Variants in KIF13A observed in about 807,000 individuals in gnomAD.
KIF13A encodes the protein kinesin-like protein KIF13A.
A neutral mutation model predicts 212.2 loss-of-function variants in KIF13A; 79 were observed. That is an observed-to-expected ratio of 0.37 (90% CI 0.31 to 0.45). The LOEUF is 0.45. Among genes scored for constraint, KIF13A ranks in the 20% least tolerant of loss-of-function variants. KIF13A has a pLI of 1.00. For synonymous variants in KIF13A, 789 were observed against 808.6 expected (o/e 0.98, Z 0.41); for missense variants, 1,901 against 2,209.0 (o/e 0.86, Z 2.79).
At chr6:17,959,611 A>G (rs894995791) in intron 2 of KIF13A, among the ~76,000 whole-genome samples, 1 of 152,254 alleles carries the variant, frequency 6.6e-6, no homozygotes, top group South Asian at 2.1e-4. Flanking sequence ...ACAAGTAGAG[A>G]GTACTCCTCT....
Position 17,905,094 on chromosome 6 carries a change from C to T in KIF13A, c.147-6914G>A, listed in dbSNP as rs141535069. ...ATGCAGCCCAACACAAATTTGCAAA[C>T]TTTCTTAAAACATTATGAGATTCTT... is the stretch of plus-strand genomic sequence containing the variant. On this transcript the variant is annotated intron_variant, in intron 2 of 38. Transcript: ENST00000259711. Among the ~76,000 whole-genome samples, 227 of 152,320 alleles carry T rather than the reference C, an allele frequency of 1.5e-3. 1 individual carries two copies. Among genetic ancestry groups the T allele is most frequent in the African/African-American group, 5.2e-3 (215 of 41,560 alleles).
intron 2 of KIF13A, among the ~76,000 whole-genome samples, chr6:17,936,977 A>C (rs866007665): frequency 6.6e-6 from 1 of 152,200 alleles, no homozygotes; most frequent in Non-Finnish European, 1.5e-5. Context: ...CAGAAGGTCC[A>C]GACTAGCCTG....
rs564626694 is a variant in KIF13A at position 17,902,181 on chromosome 6, T to C, written c.147-4001A>G. 2.2e-3 allele frequency among the ~76,000 whole-genome samples: 328 copies of C among 152,224 alleles called. 1 individual carries two copies. The highest frequency in any genetic ancestry group is 7.5e-3 in the African/African-American group (311 of 41,538). On this transcript the variant is annotated intron_variant, in intron 2 of 38. Coordinates refer to ENST00000259711, the MANE Select transcript of KIF13A (RefSeq NM_022113.6). The stretch of plus-strand genomic sequence containing the variant: ...AACAGACCTAAGTGACCCCGACACA[T>C]AGGTTTGATTGCTGACTCCTTAGAA...
chr6:17,914,755 T>G lies in KIF13A; in HGVS notation c.147-16575A>C, dbSNP rs1468867801. On this transcript the variant is annotated intron_variant, in intron 2 of 38. Coordinates refer to ENST00000259711, the MANE Select transcript of KIF13A (RefSeq NM_022113.6). The surrounding 1 kb of genome is among the most constrained non-coding windows in gnomAD (Gnocchi z 5.9). ...TAATTGCCATGGCTGCAATTCCCAG[T>G]TTGGGCGAGCCTAGTAAGAAACTCA... Among the ~76,000 whole-genome samples the G allele has an allele frequency of 1.3e-5, 2 of 152,138 alleles. No homozygotes were observed. Among genetic ancestry groups the G allele is most frequent in the East Asian group, 3.9e-4 (2 of 5,186 alleles).
At chr6:17,845,901 G>C (rs1181889642) in intron 9 of KIF13A, among the ~76,000 whole-genome samples, 1 of 152,202 alleles carries the variant, frequency 6.6e-6, no homozygotes, top group Non-Finnish European at 1.5e-5. Context: ...AGCCCATTAA[G>C]CAGACACTGA....
chr6:17,944,165 C>T (rs950066026), intron 2 of KIF13A, among the ~76,000 whole-genome samples: 9 of 152,100 alleles, frequency 5.9e-5, no homozygotes, highest in Admixed American at 1.3e-4. Flanking sequence ...CCGCCTTTAC[C>T]GCTGACATCC....
intron 4 of KIF13A, among the ~76,000 whole-genome samples, chr6:17,857,478 A>C (rs1334676199): frequency 1.3e-5 from 2 of 151,884 alleles, no homozygotes; most frequent in Non-Finnish European, 2.9e-5. Flanking sequence ...CTTCCCCTTC[A>C]CCTTCCACCA....
chr6:17,823,913 ATTTC>A (rs1312485688), intron 16 of KIF13A, among the ~76,000 whole-genome samples: 3 of 109,878 alleles, frequency 2.7e-5, no homozygotes, highest in African/African-American at 9.9e-5. Context: ...TTTAATTTAA[ATTTC>A]TTTTTTTTTT....
chr6:17,805,563 C>T lies in KIF13A; in HGVS notation c.2216G>A (p.Ser739Asn). 6.2e-7 allele frequency: 1 copy of T among 1,613,396 alleles called. No individual in the cohort carries two copies. The highest frequency in any genetic ancestry group is 8.5e-7 in the Non-Finnish European group (1 of 1,179,498). ...CTTCTCAATGGTCCACACTTGGGTG[C>T]TCTTTCCTTTCCTCCTCACTTGGAT... is the stretch of plus-strand genomic sequence containing the variant. The part of the protein sequence containing the change: ...PAIQVRRKGK[S>N]TQVWTIEKLE... The change falls in exon 19 of 39, where the codon AGC (serine) becomes AAC (asparagine). Residue 739 changes from serine to asparagine, a missense_variant. Ser to Asn is a conservative substitution (Grantham distance 46, BLOSUM62 1). Transcript: ENST00000259711.
In KIF13A at chr6:17,775,078, G is replaced by C. The variant is rs1230348299; in HGVS notation, c.4171-16C>G. On this transcript the variant is annotated splice_polypyrimidine_tract_variant and intron_variant, in intron 34 of 38. Coordinates refer to ENST00000259711, the MANE Select transcript of KIF13A (RefSeq NM_022113.6). ...TGGAAGAGACCTATAAGAGAAGAAT[G>C]GTTTTAGCAATGTGGTTTATATATT... The C allele has an allele frequency of 1.2e-6, 2 of 1,604,386 alleles. No homozygotes were observed. Among genetic ancestry groups the C allele is most frequent in the East Asian group, 2.2e-5 (1 of 44,670 alleles).
intron 3 of KIF13A, among the ~76,000 whole-genome samples, chr6:17,887,692 A>G (rs192348338): frequency 6.6e-6 from 1 of 151,964 alleles, no homozygotes; most frequent in East Asian, 1.9e-4. Flanking sequence ...TCCTTTACAT[A>G]CATCTTGATT....
At chr6:17,863,349 G>C (rs1432309989) in intron 4 of KIF13A, among the ~76,000 whole-genome samples, 1 of 151,042 alleles carries the variant, frequency 6.6e-6, no homozygotes, top group Non-Finnish European at 1.5e-5. Flanking sequence ...AATCCATATT[G>C]TCTATTATAA....
intron 2 of KIF13A, among the ~76,000 whole-genome samples, chr6:17,983,396 T>C (rs1325300405): frequency 1.3e-5 from 2 of 151,930 alleles, no homozygotes; most frequent in East Asian, 3.9e-4. Flanking sequence ...TGTCACCCTT[T>C]TTAGCAAGTT....
rs201648357 is a variant in KIF13A at position 17,764,705 on chromosome 6, G to T, written c.4823C>A (p.Thr1608Asn). ...GYFSHSASNA[T>N]LSDMVVPSSD... ...AGAAGGGACCACCATGTCAGACAGG[G>T]TGGCATTGGAGGCACTGTGGGAAAA... Residue 1608 changes from threonine (T) to asparagine (N), a missense_variant, in exon 39 of 39, where the codon ACC becomes AAC. Physicochemically the swap from Thr to Asn is moderately conservative, Grantham distance 65 (BLOSUM62 0). Around this residue, in one of 5 missense-constraint regions of KIF13A, gnomAD observed 687 missense variants for 759.1 expected, o/e 0.90. Transcript: ENST00000259711. This position sits in a 1 kb window ranked among gnomAD's most constrained non-coding sequence, Gnocchi z 5.1. 17 of 1,613,398 alleles carry T rather than the reference G, an allele frequency of 1.1e-5. No individual in the cohort carries two copies. The highest frequency in any genetic ancestry group is 1.4e-5 in the Non-Finnish European group (17 of 1,179,688).
At chr6:17,793,268 G>A (rs868565171) in intron 25 of KIF13A, among the ~76,000 whole-genome samples, 3 of 151,972 alleles carry the variant, frequency 2.0e-5, no homozygotes, top group Non-Finnish European at 4.4e-5. Context: ...TTTTAGTAGA[G>A]ACGGCGTTTT....
At chr6:17,944,315 A>G (rs889074271) in intron 2 of KIF13A, among the ~76,000 whole-genome samples, 4 of 152,224 alleles carry the variant, frequency 2.6e-5, no homozygotes, top group Non-Finnish European at 4.4e-5. Context: ...AACTCAGGAC[A>G]GTGGAACACA....
At position 17,874,999 on chromosome 6, in the gene KIF13A, G is replaced by GTACACACACACACACACACACACACA. The variant is rs1554188631; in HGVS notation, c.160-1563_160-1562insTGTGTGTGTGTGTGTGTGTGTGTGTA. On this transcript the variant is annotated intron_variant, in intron 3 of 38. Coordinates refer to ENST00000259711, the MANE Select transcript of KIF13A (RefSeq NM_022113.6). Reference sequence around the variant, plus strand: ...CCACCACACACACACACACGCACACGCACGCACACACACACACACACACAC... The same window carrying GTACACACACACACACACACACACACA: ...CCACCACACACACACACACGCACACGTACACACACACACACACACACACACACACGCACACACACACACACACACAC... Among the ~76,000 whole-genome samples the GTACACACACACACACACACACACACA allele has an allele frequency of 2.8e-3, 342 of 120,320 alleles. 3 individuals are homozygous for GTACACACACACACACACACACACACA. Among genetic ancestry groups the GTACACACACACACACACACACACACA allele is most frequent in the African/African-American group, 1.0e-2 (327 of 32,740 alleles). The allele number at this position is 120,320 out of a possible 152,430, so 78.9% of individuals were successfully genotyped here. A position where few individuals can be genotyped will look rare whatever the true frequency, so the allele number is the denominator to read the frequency against.
chr6:17,876,932 G>T (rs1321266964), intron 3 of KIF13A, among the ~76,000 whole-genome samples: 1 of 152,106 alleles, frequency 6.6e-6, no homozygotes, highest in Non-Finnish European at 1.5e-5. Flanking sequence ...ACTGTGCCCG[G>T]CCTGTATATA....
intron 2 of KIF13A, among the ~76,000 whole-genome samples, chr6:17,902,230 C>T (rs1175901893): frequency 6.6e-6 from 1 of 152,150 alleles, no homozygotes; most frequent in Non-Finnish European, 1.5e-5. Context: ...TAACACTTGC[C>T]TAAAGGTGTG....
Sources: allele counts gnomAD v4.1 joint callset (sites outside exome capture counted in the v4.1 genomes callset), GRCh38; gene constraint gnomAD v4.1.1; regional missense constraint gnomAD v4.1.1; non-coding constraint Gnocchi (gnomAD v3.1); transcripts MANE v1.5; gene names NCBI Gene and HGNC (gene_info 2026-07-23, HGNC 2026-07-21).